The following MIPOL1 variants were observed in gnomAD, a reference collection of about 807,000 sequenced individuals.
The protein encoded by MIPOL1 is mirror-image polydactyly gene 1 protein.
A neutral mutation model predicts 60.9 loss-of-function variants in MIPOL1; 57 were observed. That is an observed-to-expected ratio of 0.94 (90% CI 0.76 to 1.17). The LOEUF (loss-of-function observed/expected upper bound fraction) is 1.17. Ranked by LOEUF, MIPOL1 falls within the 50% of genes most tolerant of loss-of-function variation. The pLI, the probability that MIPOL1 is intolerant of heterozygous loss-of-function variation, is 0.00. For missense variants in MIPOL1, 551 were observed against 511.6 expected (o/e 1.08, Z -0.74); for synonymous variants, 179 against 168.8 (o/e 1.06, Z -0.47).
chr14:37,329,075 G>T (rs1418759187), intron 9 of MIPOL1, among the ~76,000 whole-genome samples: 2 of 152,008 alleles, frequency 1.3e-5, no homozygotes, highest in African/African-American at 4.8e-5. Context: ...TATACTTTAA[G>T]TTTTAGGGTA....
Position 37,524,570 on chromosome 14 carries a change from CT to C in MIPOL1, c.1263-22320del, listed in dbSNP as rs1298582410. Among the ~76,000 whole-genome samples, 32 of 121,808 alleles carry C rather than the reference CT, an allele frequency of 2.6e-4. 1 individual carries two copies. The highest frequency in any genetic ancestry group is 5.2e-4 in the South Asian group (2 of 3,842). 79.9% of individuals were successfully genotyped at this position (121,808 alleles called of 152,430 possible). On this transcript the variant is annotated intron_variant, in intron 12 of 12. Transcript: ENST00000684589. ...ACATCTTAATTTTTCTTTTTCTTTT[CT>C]TTTTTTTTTTTTTTGAGATGGAGTC...
At chr14:37,471,129 C>T (rs1243430783) in intron 11 of MIPOL1, among the ~76,000 whole-genome samples, 2 of 152,096 alleles carry the variant, frequency 1.3e-5, no homozygotes, top group Admixed American at 1.3e-4. Flanking sequence ...TATTTAGTAA[C>T]ATCATTGGAA....
intron 12 of MIPOL1, among the ~76,000 whole-genome samples, chr14:37,529,733 A>G (rs2095469062): frequency 6.6e-6 from 1 of 152,166 alleles, no homozygotes; most frequent in Non-Finnish European, 1.5e-5. Flanking sequence ...GGTAATACAG[A>G]GGAGAGAAGT....
intron 9 of MIPOL1, among the ~76,000 whole-genome samples, chr14:37,363,281 A>G (rs770459439): frequency 1.3e-5 from 2 of 152,104 alleles, no homozygotes; most frequent in African/African-American, 4.8e-5. Context: ...TTTTTGACCT[A>G]CAGTTGGGGT....
chr14:37,496,138 T>G (rs1336966361), intron 11 of MIPOL1, among the ~76,000 whole-genome samples: 2 of 151,752 alleles, frequency 1.3e-5, no homozygotes, highest in Admixed American at 6.6e-5. Context: ...TTAGGTATTG[T>G]TGGGACGTAT....
Position 37,408,196 on chromosome 14 carries a change from G to A in MIPOL1, c.937-14659G>A, listed in dbSNP as rs1489280228. On this transcript the variant is annotated intron_variant, in intron 10 of 12. Coordinates refer to ENST00000684589, the MANE Select transcript of MIPOL1 (RefSeq NM_001388067.1). ...TCTCCTAGTATTTCTAAAAAACAAT[G>A]TTAAGAGAAAACAATATTATTAGAG... 3.3e-5 allele frequency among the ~76,000 whole-genome samples: 5 copies of A among 152,026 alleles called. No individual in the cohort carries two copies. The South Asian group carries it at 6.2e-4, about 19-fold the overall frequency.
intron 1 of MIPOL1, among the ~76,000 whole-genome samples, chr14:37,236,469 C>T (rs1390817729): frequency 6.6e-6 from 1 of 151,472 alleles, no homozygotes; most frequent in Non-Finnish European, 1.5e-5. Flanking sequence ...TTTTTGAGAC[C>T]CTTGTCGCCC....
At chr14:37,367,236 C>G (rs541056985) in intron 9 of MIPOL1, among the ~76,000 whole-genome samples, 1 of 151,726 alleles carries the variant, frequency 6.6e-6, no homozygotes, top group Non-Finnish European at 1.5e-5. Flanking sequence ...AAGAAACAAA[C>G]CAGTATAAAT....
chr14:37,362,737 C>A (rs10145455), intron 9 of MIPOL1, among the ~76,000 whole-genome samples: 147,469 of 152,220 alleles, frequency 0.97, 71,509 homozygotes, highest in East Asian at 1. Context: ...CGTCACTTTC[C>A]GGTACACCAA....
intron 10 of MIPOL1, among the ~76,000 whole-genome samples, chr14:37,380,227 T>C (rs1026829653): frequency 1.3e-5 from 2 of 152,028 alleles, no homozygotes; most frequent in African/African-American, 4.8e-5. Context: ...ACAAGGGAGA[T>C]GGGGAGAAAT....
At chr14:37,342,031 C>T (rs1052637790) in intron 9 of MIPOL1, among the ~76,000 whole-genome samples, 2 of 152,104 alleles carry the variant, frequency 1.3e-5, no homozygotes, top group Non-Finnish European at 2.9e-5. Flanking sequence ...CTGGTGCACA[C>T]TTATTTCTCA....
intron 10 of MIPOL1, among the ~76,000 whole-genome samples, chr14:37,416,043 T>G (rs567670422): frequency 6.6e-6 from 1 of 152,272 alleles, no homozygotes; most frequent in South Asian, 2.1e-4. Context: ...GAAATAGCAT[T>G]TATTCATTCA....
At chr14:37,363,307 C>G (rs189412076) in intron 9 of MIPOL1, among the ~76,000 whole-genome samples, 27 of 152,134 alleles carry the variant, frequency 1.8e-4, no homozygotes, top group Admixed American at 1.7e-3. Context: ...TGTAGGTGTC[C>G]TTTTTGTGGA....
Position 37,236,124 on chromosome 14 carries a change from C to G in MIPOL1, c.-198-10979C>G, listed in dbSNP as rs566617160. Reference sequence around the variant, plus strand: ...GTATTTTAGTAGAGACAGGGTTTCACTGTGTTGCTTAGGCTGGTCTCGAAC... The same window carrying G: ...GTATTTTAGTAGAGACAGGGTTTCAGTGTGTTGCTTAGGCTGGTCTCGAAC... On this transcript the variant is annotated intron_variant, in intron 1 of 12. Coordinates refer to ENST00000684589, the MANE Select transcript of MIPOL1 (RefSeq NM_001388067.1). Among the ~76,000 whole-genome samples the G allele has an allele frequency of 2.6e-5, 4 of 152,050 alleles. No homozygotes were observed. The South Asian group carries it at 8.3e-4, about 32-fold the overall frequency.
intron 10 of MIPOL1, among the ~76,000 whole-genome samples, chr14:37,419,486 G>A (rs2093830999): frequency 6.6e-6 from 1 of 152,072 alleles, no homozygotes; most frequent in Admixed American, 6.6e-5. Flanking sequence ...TATAAATTAT[G>A]ACTCAATAAG....
At position 37,444,406 on chromosome 14, in the gene MIPOL1, G is replaced by C. The variant is rs111268873; in HGVS notation, c.1031+21457G>C. On this transcript the variant is annotated intron_variant, in intron 11 of 12. Coordinates refer to ENST00000684589, the MANE Select transcript of MIPOL1 (RefSeq NM_001388067.1). Reference sequence around the variant, plus strand: ...CCATGTAAACGGAGAATTACATAGTGTTCATAAATGGGAACACTCAATATT... The same window carrying C: ...CCATGTAAACGGAGAATTACATAGTCTTCATAAATGGGAACACTCAATATT... 7.3e-3 allele frequency among the ~76,000 whole-genome samples: 1,109 copies of C among 152,216 alleles called. 14 individuals carry two copies. Among genetic ancestry groups the C allele is most frequent in the African/African-American group, 0.025 (1,040 of 41,544 alleles).
intron 12 of MIPOL1, among the ~76,000 whole-genome samples, chr14:37,522,809 AAAT>A (rs1246012863): frequency 3.3e-5 from 5 of 152,116 alleles, no homozygotes; most frequent in Admixed American, 6.5e-5. Context: ...GTGAATAGTA[AAAT>A]AATAAAAATG....
chr14:37,542,569 A>G (rs1178674194), intron 12 of MIPOL1, among the ~76,000 whole-genome samples: 2 of 152,046 alleles, frequency 1.3e-5, no homozygotes, highest in South Asian at 2.1e-4. Flanking sequence ...ATGCACAACC[A>G]TGCCCTGTCT....
intron 11 of MIPOL1, among the ~76,000 whole-genome samples, chr14:37,446,993 G>A (rs1021122879): frequency 2.2e-4 from 34 of 152,004 alleles, no homozygotes; most frequent in East Asian, 1.9e-3. Context: ...GTTAATGGGT[G>A]CAGCACACCA....
Sources: allele counts gnomAD v4.1 joint callset (sites outside exome capture counted in the v4.1 genomes callset), GRCh38; gene constraint gnomAD v4.1.1; transcripts MANE v1.5; gene names NCBI Gene and HGNC (gene_info 2026-07-23, HGNC 2026-07-21).